Variants in EP400 observed in about 807,000 individuals in gnomAD.
EP400 encodes the protein E1A binding protein p400.
Under a neutral mutation model 354.1 loss-of-function variants are expected in EP400, and 105 were observed. The observed-to-expected ratio is 0.30, with a 90% confidence interval of 0.25 to 0.35. The LOEUF (loss-of-function observed/expected upper bound fraction) is 0.35, where lower values mean the gene tolerates loss of function less well. Ranked by LOEUF, EP400 falls within the 10% of genes least tolerant of loss-of-function variation. EP400 has a pLI of 1.00. For synonymous variants in EP400, 1,646 were observed against 1,716.9 expected (o/e 0.96, Z 1.02); for missense variants, 3,280 against 4,121.0 (o/e 0.80, Z 5.59).
At chr12:131,950,936 G>C (rs1456394749) in intron 1 of EP400, among the ~76,000 whole-genome samples, 1 of 151,778 alleles carries the variant, frequency 6.6e-6, no homozygotes, top group African/African-American at 2.4e-5. Context: ...GTCTCTCTCT[G>C]TCACCCAGGC....
intron 11 of EP400, among the ~76,000 whole-genome samples, chr12:131,993,048 T>C (rs1893094676): frequency 6.6e-6 from 1 of 152,216 alleles, no homozygotes; most frequent in South Asian, 2.1e-4. Flanking sequence ...AACAACAGTG[T>C]GGCAGATGAG....
chr12:132,021,596 G>A (rs558931276), intron 23 of EP400, among the ~76,000 whole-genome samples: 6 of 152,324 alleles, frequency 3.9e-5, no homozygotes, highest in South Asian at 4.1e-4. Context: ...CACTGCTTTG[G>A]TGCTGTGGAC....
intron 7 of EP400, 48 bp downstream of exon 7, chr12:131,987,938 C>A: frequency 1.5e-6 from 2 of 1,357,940 alleles, no homozygotes; most frequent in Non-Finnish European, 9.8e-7. Flanking sequence ...TTGGTGGGGG[C>A]TTGAGTTTGC....
At chr12:132,009,039 AAGG>A (rs1893678125) in intron 15 of EP400, among the ~76,000 whole-genome samples, 1 of 142,870 alleles carries the variant, frequency 7.0e-6, no homozygotes, top group Non-Finnish European at 1.5e-5. Context: ...TCAGCCTCCT[AAGG>A]AGCTACTTAG....
chr12:132,013,548 A>G lies in EP400; in HGVS notation c.3670A>G (p.Thr1224Ala), dbSNP rs754648206. 7 of 1,611,892 alleles carry G rather than the reference A, an allele frequency of 4.3e-6. No individual in the cohort carries two copies. Among genetic ancestry groups the G allele is most frequent in the Non-Finnish European group, 5.9e-6 (7 of 1,179,134 alleles). Residue 1224 changes from threonine to alanine, a missense_variant, in exon 18 of 53, where the codon ACC (threonine) becomes GCC (alanine). Coordinates refer to ENST00000389561, the MANE Select transcript of EP400 (RefSeq NM_015409.5). The surrounding 1 kb of genome is among the most constrained non-coding windows in gnomAD (Gnocchi z 4.5). ...GCACAATACCTTCCTGGAGCTCTGG[A>G]CCATGGTGCACTTCCTGGTCCCAGG... Reference protein sequence around the residue: ...PLHNTFLELWTMVHFLVPGIS... With the variant: ...PLHNTFLELWAMVHFLVPGIS...
At chr12:131,959,769 C>T (rs937005724) in intron 1 of EP400, among the ~76,000 whole-genome samples, 85 of 152,314 alleles carry the variant, frequency 5.6e-4, no homozygotes, top group African/African-American at 1.9e-3. Flanking sequence ...AGGCTGTTCC[C>T]TACCTTCCAC....
intron 30 of EP400, among the ~76,000 whole-genome samples, chr12:132,035,610 G>A (rs539575704): frequency 3.8e-4 from 57 of 150,332 alleles, no homozygotes; most frequent in East Asian, 1.6e-3. Context: ...AGGTTCACAC[G>A]GAACGTCGTG....
rs970490887 is a variant in EP400 at position 132,052,720 on chromosome 12, G to A, written c.7395-426G>A. Among the ~76,000 whole-genome samples the A allele has an allele frequency of 3.9e-5, 6 of 152,200 alleles. No homozygotes were observed. Among genetic ancestry groups the A allele is most frequent in the Admixed American group, 1.3e-4 (2 of 15,288 alleles). On this transcript the variant is annotated intron_variant, in intron 41 of 52. Coordinates refer to ENST00000389561, the MANE Select transcript of EP400 (RefSeq NM_015409.5). The surrounding 1 kb of genome is among the most constrained non-coding windows in gnomAD (Gnocchi z 4.4). ...TTTATGGACCGCGGGCCTGCGCGGC[G>A]TGGAGCCTGGGCATTCTCGGGGGAG...
intron 51 of EP400, among the ~76,000 whole-genome samples, chr12:132,072,431 T>C (rs1386664291): frequency 6.6e-6 from 1 of 152,244 alleles, no homozygotes; most frequent in African/African-American, 2.4e-5. Context: ...GCCTGGGTTC[T>C]TTTTAGAAGT....
intron 45 of EP400, among the ~76,000 whole-genome samples, chr12:132,055,958 A>T (rs1000132351): frequency 6.6e-6 from 1 of 151,710 alleles, no homozygotes; most frequent in Admixed American, 6.6e-5. Flanking sequence ...ACACGAGGGC[A>T]TGGCTGGGTG....
At chr12:131,971,693 ATTTT>A (rs372977332) in intron 2 of EP400, among the ~76,000 whole-genome samples, 1 of 145,076 alleles carries the variant, frequency 6.9e-6, no homozygotes, top group Admixed American at 6.9e-5. Flanking sequence ...TATGGGTAAA[ATTTT>A]TTTTTTTTTT....
intron 45 of EP400, among the ~76,000 whole-genome samples, chr12:132,057,488 A>G (rs537315795): frequency 2.0e-5 from 3 of 152,228 alleles, no homozygotes; most frequent in Non-Finnish European, 4.4e-5. Flanking sequence ...GGGCTCCACT[A>G]CGGAGAGGAA....
At chr12:131,952,865 T>C (rs922666401) in intron 1 of EP400, among the ~76,000 whole-genome samples, 1 of 152,174 alleles carries the variant, frequency 6.6e-6, no homozygotes, top group Non-Finnish European at 1.5e-5. Flanking sequence ...TCTTTTTTTT[T>C]AATAAGGGTA....
At chr12:131,951,437 C>T (rs1303873645) in intron 1 of EP400, among the ~76,000 whole-genome samples, 2 of 151,804 alleles carry the variant, frequency 1.3e-5, no homozygotes, top group Admixed American at 6.6e-5. Flanking sequence ...ACCGCCTTGG[C>T]CTCCTAGTGC....
intron 16 of EP400, among the ~76,000 whole-genome samples, chr12:132,012,093 A>G (rs576335835): frequency 3.3e-5 from 5 of 152,328 alleles, no homozygotes; most frequent in South Asian, 4.1e-4. Context: ...TGTCTGCCCT[A>G]TAGTTTCTAG....
chr12:132,003,733 G>A (rs1893492226), intron 12 of EP400, among the ~76,000 whole-genome samples: 1 of 152,128 alleles, frequency 6.6e-6, no homozygotes, highest in Non-Finnish European at 1.5e-5. Flanking sequence ...ACCTTGTTAG[G>A]AACATCATGG....
intron 5 of EP400, among the ~76,000 whole-genome samples, chr12:131,984,903 C>T (rs1892803436): frequency 6.6e-6 from 1 of 151,870 alleles, no homozygotes; most frequent in Non-Finnish European, 1.5e-5. Context: ...ATTTATTTCA[C>T]AATTTAGCTC....
chr12:132,041,199 C>T (rs1040883522), intron 32 of EP400, among the ~76,000 whole-genome samples: 1 of 152,214 alleles, frequency 6.6e-6, no homozygotes, highest in South Asian at 2.1e-4. Flanking sequence ...CTATAGGATT[C>T]TTCTGTCATT....
At chr12:131,999,581 G>A (rs978527009) in intron 12 of EP400, among the ~76,000 whole-genome samples, 1 of 152,048 alleles carries the variant, frequency 6.6e-6, no homozygotes, top group Admixed American at 6.6e-5. Context: ...TGGGATTATA[G>A]GCACCAGCCA....
Sources: allele counts gnomAD v4.1 joint callset (sites outside exome capture counted in the v4.1 genomes callset), GRCh38; gene constraint gnomAD v4.1.1; non-coding constraint Gnocchi (gnomAD v3.1); transcripts MANE v1.5; gene names NCBI Gene and HGNC (gene_info 2026-07-23, HGNC 2026-07-21).